Variants in SEMA6D observed in about 807,000 individuals in gnomAD.
The protein encoded by SEMA6D is semaphorin-6D.
A neutral mutation model predicts 106.6 loss-of-function variants in SEMA6D; 35 were observed. The observed-to-expected ratio is 0.33, with a 90% CI of 0.25 to 0.44. The LOEUF (loss-of-function observed/expected upper bound fraction) is 0.44, where lower values mean the gene tolerates loss of function less well. Among genes scored for constraint, SEMA6D ranks in the 20% least tolerant of loss-of-function variants. The probability of loss-of-function intolerance (pLI) is 1.00; values close to 1 mark genes in which losing one functional copy is unlikely to be tolerated. For missense variants in SEMA6D, 1,185 were observed against 1,345.9 expected, an observed-to-expected ratio of 0.88 and a Z score of 1.87; for synonymous variants, 499 against 487.7, an observed-to-expected ratio of 1.02 and a Z score of -0.31.
intron 1 of SEMA6D, among the ~76,000 whole-genome samples, chr15:47,406,696 A>G (rs1449662643): frequency 6.6e-6 from 1 of 151,674 alleles, no homozygotes; most frequent in Non-Finnish European, 1.5e-5. Context: ...GACCTAATGT[A>G]CGGTATGGTG....
chr15:47,311,643 C>G (rs2036451155), intron 1 of SEMA6D, among the ~76,000 whole-genome samples: 1 of 151,988 alleles, frequency 6.6e-6, no homozygotes, highest in African/African-American at 2.4e-5. Flanking sequence ...ATTTGAAAAT[C>G]TTTTTACTTT....
chr15:47,672,370 C>T (rs865899910), intron 4 of SEMA6D, among the ~76,000 whole-genome samples: 8 of 151,982 alleles, frequency 5.3e-5, no homozygotes, highest in South Asian at 2.1e-4. Context: ...AGGTATTTGC[C>T]GGAATATCTA....
At chr15:47,740,119 G>C (rs907043386) in intron 1 of SEMA6D, among the ~76,000 whole-genome samples, 2 of 152,168 alleles carry the variant, frequency 1.3e-5, no homozygotes, top group African/African-American at 4.8e-5. Context: ...TGTGGTGAGA[G>C]GATGGCCATC....
intron 3 of SEMA6D, among the ~76,000 whole-genome samples, chr15:47,544,608 C>A (rs1376249077): frequency 6.6e-6 from 1 of 151,912 alleles, no homozygotes; most frequent in East Asian, 1.9e-4. Flanking sequence ...TCCAAGAAGT[C>A]CTGGGAAAAT....
At chr15:47,703,564 C>T (rs1023195617) in intron 4 of SEMA6D, among the ~76,000 whole-genome samples, 6 of 152,042 alleles carry the variant, frequency 3.9e-5, no homozygotes, top group African/African-American at 7.2e-5. Flanking sequence ...GTGACAATTT[C>T]CAGAAACTCC....
At chr15:47,464,335 T>C (rs944727603) in intron 2 of SEMA6D, among the ~76,000 whole-genome samples, 3 of 152,114 alleles carry the variant, frequency 2.0e-5, no homozygotes, top group African/African-American at 4.8e-5. Flanking sequence ...CTGGATGCTA[T>C]TGTAATAAAT....
chr15:47,185,168 G>T (rs529063351), intron 1 of SEMA6D, among the ~76,000 whole-genome samples: 1 of 152,312 alleles, frequency 6.6e-6, no homozygotes, highest in South Asian at 2.1e-4. Flanking sequence ...CGCTCACCGG[G>T]CTGTAAATAA....
chr15:47,545,216 G>A (rs1410998765), intron 3 of SEMA6D, among the ~76,000 whole-genome samples: 2 of 152,082 alleles, frequency 1.3e-5, no homozygotes, highest in African/African-American at 2.4e-5. Flanking sequence ...AATCTGCTTT[G>A]ATTGAAAATT....
intron 2 of SEMA6D, among the ~76,000 whole-genome samples, chr15:47,420,697 A>G (rs369277017): frequency 1.3e-5 from 2 of 152,062 alleles, no homozygotes; most frequent in African/African-American, 2.4e-5. Flanking sequence ...TCTAAAACCA[A>G]CATCTTTTTG....
chr15:47,663,652 G>A (rs912642352), intron 4 of SEMA6D, among the ~76,000 whole-genome samples: 2 of 152,152 alleles, frequency 1.3e-5, no homozygotes, highest in African/African-American at 2.4e-5. Flanking sequence ...TTCTGGAAAC[G>A]ACACCCCTCA....
intron 1 of SEMA6D, among the ~76,000 whole-genome samples, chr15:47,219,948 G>GT (rs2031031459): frequency 6.6e-6 from 1 of 152,154 alleles, no homozygotes; most frequent in Non-Finnish European, 1.5e-5. Context: ...AAATGGTGTG[G>GT]TTTGGCTCTA....
At chr15:47,521,003 G>A (rs2044554419) in intron 3 of SEMA6D, among the ~76,000 whole-genome samples, 1 of 152,180 alleles carries the variant, frequency 6.6e-6, no homozygotes, top group Non-Finnish European at 1.5e-5. Flanking sequence ...AGATGGGTTG[G>A]GTGAGTAGAA....
At chr15:47,330,646 A>G (rs1001232278) in intron 1 of SEMA6D, among the ~76,000 whole-genome samples, 1 of 152,224 alleles carries the variant, frequency 6.6e-6, no homozygotes, top group African/African-American at 2.4e-5. Flanking sequence ...CACAAAGGTA[A>G]GTAAGACATA....
chr15:47,284,765 T>C (rs2035284588), intron 1 of SEMA6D, among the ~76,000 whole-genome samples: 1 of 152,202 alleles, frequency 6.6e-6, no homozygotes, highest in Admixed American at 6.5e-5. Flanking sequence ...TCTTAAAGTA[T>C]AACAACCGTG....
intron 1 of SEMA6D, among the ~76,000 whole-genome samples, chr15:47,205,200 T>C (rs944771349): frequency 4.6e-5 from 7 of 152,196 alleles, no homozygotes; most frequent in Non-Finnish European, 7.4e-5. Flanking sequence ...ATACCTAGTA[T>C]ATTTTGTTGA....
intron 1 of SEMA6D, among the ~76,000 whole-genome samples, chr15:47,372,341 ACT>A (rs2039303737): frequency 6.6e-6 from 1 of 152,174 alleles, no homozygotes; most frequent in South Asian, 2.1e-4. Flanking sequence ...GGCCTGGGAC[ACT>A]CTCTGACAGG....
At chr15:47,338,603 C>G (rs2037672282) in intron 1 of SEMA6D, among the ~76,000 whole-genome samples, 1 of 152,018 alleles carries the variant, frequency 6.6e-6, no homozygotes, top group African/African-American at 2.4e-5. Flanking sequence ...GTAGCCTCAC[C>G]CTGGGAGACA....
chr15:47,412,978 A>G (rs2040846723), intron 2 of SEMA6D, among the ~76,000 whole-genome samples: 1 of 152,218 alleles, frequency 6.6e-6, no homozygotes, highest in Non-Finnish European at 1.5e-5. Flanking sequence ...GTGCACCTCC[A>G]CACACTGGAC....
chr15:47,191,783 A>C (rs973563662), intron 1 of SEMA6D, among the ~76,000 whole-genome samples: 1 of 152,194 alleles, frequency 6.6e-6, no homozygotes, highest in Admixed American at 6.5e-5. Flanking sequence ...AGAAAAGCTT[A>C]ATGGGAGAAT....
Sources: allele counts gnomAD v4.1 joint callset (sites outside exome capture counted in the v4.1 genomes callset), GRCh38; gene constraint gnomAD v4.1.1; transcripts MANE v1.5; gene names NCBI Gene and HGNC (gene_info 2026-07-23, HGNC 2026-07-21).